Variants in MELK observed in about 807,000 individuals in gnomAD.
MELK encodes pEg3 kinase.
A neutral mutation model predicts 85.0 loss-of-function variants in MELK; 81 were observed. That is an observed-to-expected ratio of 0.95 (90% CI 0.80 to 1.15). The LOEUF (loss-of-function observed/expected upper bound fraction) is 1.15. MELK is among the 50% of genes most tolerant of loss of function. The pLI is 0.00. For missense variants in MELK, 754 were observed against 777.5 expected (o/e 0.97, Z 0.36); for synonymous variants, 252 against 265.0 (o/e 0.95, Z 0.48).
chr9:36,634,877 A>T (rs1006822308), intron 10 of MELK, among the ~76,000 whole-genome samples: 1 of 152,116 alleles, frequency 6.6e-6, no homozygotes, highest in Non-Finnish European at 1.5e-5. Context: ...CACACCTGTA[A>T]TCCCAGCTAC....
At chr9:36,587,611 C>T (rs542628024) in intron 3 of MELK, among the ~76,000 whole-genome samples, 37 of 150,662 alleles carry the variant, frequency 2.5e-4, no homozygotes, top group African/African-American at 8.0e-4. Context: ...CACTGTAGAG[C>T]CCCCCCGCCT....
intron 7 of MELK, among the ~76,000 whole-genome samples, chr9:36,606,318 G>GGTGTGTATATAATATATACATATGTATA (rs1825480441): frequency 7.0e-6 from 1 of 143,328 alleles, no homozygotes; most frequent in Non-Finnish European, 1.5e-5. Context: ...CATATGTATA[G>GGTGTGTATATAATATATACATATGTATA]GTGTGTATAT....
chr9:36,653,814 A>T (rs1192199804), intron 12 of MELK, among the ~76,000 whole-genome samples: 27 of 151,566 alleles, frequency 1.8e-4, no homozygotes, highest in Non-Finnish European at 1.5e-5. Flanking sequence ...TTAAAATGCC[A>T]CCTCTTTTAT....
intron 11 of MELK, 98 bp downstream of exon 11, chr9:36,643,181 G>A (rs1022786867): frequency 6.4e-6 from 6 of 944,024 alleles, no homozygotes; most frequent in South Asian, 3.3e-5. Context: ...TCAGGAGTTC[G>A]AGACCAGCCT....
At chr9:36,598,593 T>C (rs751590259) in intron 6 of MELK, among the ~76,000 whole-genome samples, 14 of 152,162 alleles carry the variant, frequency 9.2e-5, no homozygotes, top group Non-Finnish European at 2.9e-5. Context: ...AAGGGAGTGA[T>C]TTATAACTGC....
intron 10 of MELK, among the ~76,000 whole-genome samples, chr9:36,635,795 A>AT (rs1246501658): frequency 1.3e-5 from 2 of 150,838 alleles, no homozygotes; most frequent in African/African-American, 4.9e-5. Flanking sequence ...TTTTTAAAAA[A>AT]TGCTTTTTTT....
intron 10 of MELK, 21 bp from the exon 11 acceptor site, chr9:36,642,976 G>C: frequency 6.4e-7 from 1 of 1,570,516 alleles, no homozygotes; most frequent in Admixed American, 1.8e-5. Context: ...TGTTAATAAA[G>C]TGCATAATTT....
intron 8 of MELK, among the ~76,000 whole-genome samples, chr9:36,622,595 A>C (rs1024383037): frequency 1.6e-4 from 25 of 152,210 alleles, no homozygotes; most frequent in African/African-American, 5.8e-4. Context: ...GACAAGCACG[A>C]GTGTACTCCA....
intron 3 of MELK, among the ~76,000 whole-genome samples, chr9:36,588,649 G>A (rs750686104): frequency 6.6e-6 from 1 of 152,228 alleles, no homozygotes; most frequent in Middle Eastern, 3.4e-3. Context: ...AAAGTGCTGG[G>A]ATTATACGCG....
At chr9:36,593,011 C>G (rs901433048) in intron 4 of MELK, among the ~76,000 whole-genome samples, 3 of 152,122 alleles carry the variant, frequency 2.0e-5, no homozygotes, top group African/African-American at 7.2e-5. Context: ...TCAGTTTAAT[C>G]TATTCTAGAC....
At chr9:36,640,910 C>T (rs13298120) in intron 10 of MELK, among the ~76,000 whole-genome samples, 15,096 of 152,290 alleles carry the variant, frequency 0.099, 996 homozygotes, top group Middle Eastern at 0.15. Context: ...TGTTTCTTTT[C>T]ATGATGGCAG....
At chr9:36,579,121 G>C (rs1450187156) in intron 1 of MELK, among the ~76,000 whole-genome samples, 1 of 152,140 alleles carries the variant, frequency 6.6e-6, no homozygotes, top group Non-Finnish European at 1.5e-5. Flanking sequence ...TCCGTCTCCT[G>C]GGTTCAAGCA....
chr9:36,650,893 T>G (rs769905409), intron 11 of MELK, among the ~76,000 whole-genome samples: 1 of 152,120 alleles, frequency 6.6e-6, no homozygotes, highest in Non-Finnish European at 1.5e-5. Context: ...TGTGAACATG[T>G]TGAGAGGAGG....
chr9:36,621,072 C>T (rs1827360013), intron 8 of MELK, among the ~76,000 whole-genome samples: 1 of 151,398 alleles, frequency 6.6e-6, no homozygotes, highest in Admixed American at 6.6e-5. Flanking sequence ...AGCTCGAAAT[C>T]AGCCTGGCCA....
intron 16 of MELK, among the ~76,000 whole-genome samples, chr9:36,671,530 T>C (rs576548762): frequency 2.0e-5 from 3 of 152,292 alleles, no homozygotes; most frequent in Admixed American, 2.0e-4. Context: ...TTGTAGGCCC[T>C]CATGAAATAT....
At chr9:36,601,023 T>C (rs940193975) in intron 7 of MELK, among the ~76,000 whole-genome samples, 1 of 152,188 alleles carries the variant, frequency 6.6e-6, no homozygotes, top group African/African-American at 2.4e-5. Flanking sequence ...TATATATGCA[T>C]GTTTTTTTTT....
At chr9:36,611,845 T>C (rs1057369568) in intron 8 of MELK, among the ~76,000 whole-genome samples, 1 of 151,646 alleles carries the variant, frequency 6.6e-6, no homozygotes, top group African/African-American at 2.4e-5. Flanking sequence ...TAGATTCGGC[T>C]CACTGCACCC....
intron 8 of MELK, among the ~76,000 whole-genome samples, chr9:36,609,889 AG>A (rs1364508645): frequency 6.6e-6 from 1 of 152,216 alleles, no homozygotes; most frequent in Non-Finnish European, 1.5e-5. Context: ...TGTTGGAGAC[AG>A]GTATAAGCTA....
intron 7 of MELK, among the ~76,000 whole-genome samples, chr9:36,602,967 C>A (rs182171978): frequency 1.3e-3 from 199 of 152,292 alleles, no homozygotes; most frequent in African/African-American, 4.3e-3. Context: ...CAGCTGGTGA[C>A]TGAGTGAGAT....
Sources: allele counts gnomAD v4.1 joint callset (sites outside exome capture counted in the v4.1 genomes callset), GRCh38; gene constraint gnomAD v4.1.1; transcripts MANE v1.5; gene names NCBI Gene and HGNC (gene_info 2026-07-23, HGNC 2026-07-21).